Variants in PSMF1 observed in about 807,000 individuals in gnomAD.
PSMF1 encodes the protein proteasome inhibitor PI31 subunit.
In PSMF1, 30 loss-of-function variants were observed where a neutral mutation model predicts 29.3. That is an observed-to-expected ratio of 1.02 (90% CI 0.77 to 1.39). The LOEUF is 1.39. Ranked by LOEUF, PSMF1 falls within the 40% of genes most tolerant of loss-of-function variation. The probability of loss-of-function intolerance (pLI) is 0.00; values close to 1 mark genes in which losing one functional copy is unlikely to be tolerated. For synonymous variants in PSMF1, 134 were observed against 139.7 expected (o/e 0.96, Z 0.29); for missense variants, 344 against 357.5 (o/e 0.96, Z 0.31).
chr20:1,149,218 A>G (rs1346453253), intron 4 of PSMF1, among the ~76,000 whole-genome samples: 4 of 152,216 alleles, frequency 2.6e-5, no homozygotes, highest in Admixed American at 6.5e-5. Context: ...AATTCTAGAT[A>G]TTCTTTACTG....
chr20:1,164,115 G>C lies in PSMF1; in HGVS notation c.606-203G>C, dbSNP rs959161375. On this transcript the variant is annotated intron_variant, in intron 5 of 6. Coordinates refer to ENST00000335877, the MANE Select transcript of PSMF1 (RefSeq NM_006814.5). The surrounding 1 kb of genome is among the most constrained non-coding windows in gnomAD (Gnocchi z 4.1). ...ACCCCTGCAGAGCCAGAAGTACTCA[G>C]CTGTGAGGTATGCTCTTCGTATAGG... Among the ~76,000 whole-genome samples the C allele has an allele frequency of 1.2e-4, 19 of 152,252 alleles. No individual in the cohort carries two copies. The highest frequency in any genetic ancestry group is 8.5e-4 in the Admixed American group (13 of 15,294).
chr20:1,119,196 T>C (rs562280564), intron 1 of PSMF1, among the ~76,000 whole-genome samples: 34 of 151,930 alleles, frequency 2.2e-4, no homozygotes, highest in African/African-American at 6.5e-4. Context: ...TAGCATTCCA[T>C]AGAATGGCAA....
At chr20:1,148,221 G>A (rs1031332512) in intron 4 of PSMF1, among the ~76,000 whole-genome samples, 1 of 152,214 alleles carries the variant, frequency 6.6e-6, no homozygotes, top group African/African-American at 2.4e-5. Flanking sequence ...AGCTAGAGAG[G>A]ACATTCCATT....
chr20:1,129,000 C>G (rs1294830532), intron 3 of PSMF1, among the ~76,000 whole-genome samples: 1 of 152,110 alleles, frequency 6.6e-6, no homozygotes, highest in African/African-American at 2.4e-5. Context: ...CTCAGCCTCC[C>G]GAGTAGCTGG....
rs1043315327 is a variant in PSMF1, at chr20:1,169,884, T to C, written c.*4804T>C. Among the ~76,000 whole-genome samples, 1 of 152,214 alleles carries C rather than the reference T, an allele frequency of 6.6e-6. No individual in the cohort carries two copies. The highest frequency in any genetic ancestry group is 1.5e-5 in the Non-Finnish European group (1 of 68,026). On this transcript the variant is annotated 3_prime_UTR_variant, in exon 7 of 7. Transcript: ENST00000335877. Reference sequence around the variant, plus strand: ...TGGAAGGTGCACTGGGACAGAGGTCTAGTGAGCCAATCTTCTGTGTTGTCT... The same window carrying C: ...TGGAAGGTGCACTGGGACAGAGGTCCAGTGAGCCAATCTTCTGTGTTGTCT...
Position 1,165,951 on chromosome 20 carries a change from G to A in PSMF1, c.*871G>A. 1 of 1,360,480 alleles carries A rather than the reference G, an allele frequency of 7.4e-7. No individual in the cohort carries two copies. The highest frequency in any genetic ancestry group is 2.8e-5 in the East Asian group (1 of 36,014). 84.3% of individuals were successfully genotyped at this position (1,360,480 alleles called of 1,614,324 possible). A position where few individuals can be genotyped will look rare whatever the true frequency, so the allele number is the denominator to read the frequency against. On this transcript the variant is annotated 3_prime_UTR_variant, in exon 7 of 7. Coordinates refer to ENST00000335877, the MANE Select transcript of PSMF1 (RefSeq NM_006814.5). ...TGCCAAGCCTATGAAATTGGAGGTG[G>A]CTTTCCTGCTCTAAAGCATTTTGAT... is the stretch of plus-strand genomic sequence containing the variant.
intron 4 of PSMF1, among the ~76,000 whole-genome samples, chr20:1,162,228 T>C (rs1417491698): frequency 1.3e-5 from 2 of 152,212 alleles, no homozygotes; most frequent in Non-Finnish European, 2.9e-5. Flanking sequence ...TTGGAAGCGG[T>C]TTGCATTTAC....
chr20:1,134,996 A>T, intron 3 of PSMF1, 125 bp from the exon 4 acceptor site: 1 of 934,430 alleles, frequency 1.1e-6, no homozygotes, highest in Admixed American at 1.9e-5. Context: ...CCCCACTTAT[A>T]AACAGGCCAA....
chr20:1,149,365 C>T (rs545041742), intron 4 of PSMF1, among the ~76,000 whole-genome samples: 5 of 152,258 alleles, frequency 3.3e-5, no homozygotes, highest in African/African-American at 1.2e-4. Context: ...ACCTTTTACC[C>T]GTGTATAATA....
intron 4 of PSMF1, among the ~76,000 whole-genome samples, chr20:1,162,414 C>T (rs2086678304): frequency 6.6e-6 from 1 of 151,970 alleles, no homozygotes; most frequent in Admixed American, 6.6e-5. Flanking sequence ...AAAAAAAAGA[C>T]ATATAAGACT....
intron 4 of PSMF1, among the ~76,000 whole-genome samples, chr20:1,155,668 AGAATAT>A (rs2086586101): frequency 6.6e-6 from 1 of 152,256 alleles, no homozygotes; most frequent in Non-Finnish European, 1.5e-5. Flanking sequence ...CAAAGACTTT[AGAATAT>A]AAGTACAGGA....
intron 4 of PSMF1, among the ~76,000 whole-genome samples, chr20:1,135,922 A>T (rs1288726622): frequency 6.6e-6 from 1 of 152,222 alleles, no homozygotes; most frequent in Non-Finnish European, 1.5e-5. Context: ...TCTCTAGCTG[A>T]GACAGCACTT....
rs1003883022 is a variant in PSMF1 at position 1,169,392 on chromosome 20, T to C, written c.*4312T>C. On this transcript the variant is annotated 3_prime_UTR_variant, in exon 7 of 7. Coordinates refer to ENST00000335877, the MANE Select transcript of PSMF1 (RefSeq NM_006814.5). ...GCGAAGTGGAAGGCCCAGCCCTTGC[T>C]TGGAGGAACGTGAGGCTGATGGTGC... 1.1e-4 allele frequency among the ~76,000 whole-genome samples: 16 copies of C among 152,258 alleles called. No homozygotes were observed. Among genetic ancestry groups the C allele is most frequent in the African/African-American group, 3.9e-4 (16 of 41,554 alleles).
At chr20:1,156,952 T>C (rs1045177030) in intron 4 of PSMF1, among the ~76,000 whole-genome samples, 1 of 152,208 alleles carries the variant, frequency 6.6e-6, no homozygotes, top group Non-Finnish European at 1.5e-5. Flanking sequence ...TACATACATA[T>C]GTATTGGGGA....
intron 4 of PSMF1, among the ~76,000 whole-genome samples, chr20:1,141,028 A>G (rs2122531713): frequency 6.6e-6 from 1 of 152,360 alleles, no homozygotes; most frequent in South Asian, 2.1e-4. Flanking sequence ...ATTTGTTATA[A>G]TGTGGATGAA....
intron 4 of PSMF1, among the ~76,000 whole-genome samples, chr20:1,135,621 G>A (rs1337350665): frequency 1.3e-5 from 2 of 152,184 alleles, no homozygotes; most frequent in South Asian, 2.1e-4. Flanking sequence ...TGCTGCCCAG[G>A]TAATTCACAG....
At chr20:1,143,360 A>C (rs1276886530) in intron 4 of PSMF1, among the ~76,000 whole-genome samples, 1 of 152,214 alleles carries the variant, frequency 6.6e-6, no homozygotes, top group Admixed American at 6.5e-5. Context: ...AACTTTTGAC[A>C]AGGGTGCAAA....
At chr20:1,142,841 G>A (rs374629437) in intron 4 of PSMF1, among the ~76,000 whole-genome samples, 3 of 152,100 alleles carry the variant, frequency 2.0e-5, no homozygotes, top group South Asian at 4.1e-4. Flanking sequence ...CTGAGGAATC[G>A]CCACACTGAC....
rs956227908 is a variant in PSMF1 at position 1,171,112 on chromosome 20, G to A, written c.*6032G>A. Among the ~76,000 whole-genome samples, 1 of 152,140 alleles carries A rather than the reference G, an allele frequency of 6.6e-6. No homozygotes were observed. Among genetic ancestry groups the A allele is most frequent in the East Asian group, 1.9e-4 (1 of 5,168 alleles). ...GCTGGGAAACCACGTCAGGACTTGT[G>A]TGAGAAAGGAGTGATGCTTCATAAT... On this transcript the variant is annotated 3_prime_UTR_variant, in exon 7 of 7. Coordinates refer to ENST00000335877, the MANE Select transcript of PSMF1 (RefSeq NM_006814.5).
Sources: gnomAD v4.1 joint callset for allele counts (sites outside exome capture counted in the v4.1 genomes callset) on GRCh38, gnomAD v4.1.1 for gene constraint, Gnocchi (gnomAD v3.1) non-coding constraint, MANE v1.5 for transcripts, NCBI Gene and HGNC (gene_info 2026-07-23, HGNC 2026-07-21) for gene names.